Variants in DCC observed in about 807,000 individuals in gnomAD.
DCC encodes the protein DCC netrin 1 receptor, also known as netrin receptor DCC.
A neutral mutation model predicts 172.5 loss-of-function variants in DCC; 58 were observed. That is an observed-to-expected ratio of 0.34 (90% confidence interval 0.27 to 0.42). DCC has a LOEUF of 0.42. Ranked by LOEUF, DCC falls within the 10% of genes least tolerant of loss-of-function variation. The pLI, the probability that DCC is intolerant of heterozygous loss-of-function variation, is 1.00. For synonymous variants in DCC, 709 were observed against 644.5 expected (o/e 1.10, Z -1.52); for missense variants, 1,740 against 1,791.0 (o/e 0.97, Z 0.51).
At chr18:53,151,923 A>C (rs1417958545) in intron 7 of DCC, among the ~76,000 whole-genome samples, 6 of 152,136 alleles carry the variant, frequency 3.9e-5, no homozygotes, top group Admixed American at 3.9e-4. Flanking sequence ...TAAAAACTTA[A>C]CTATCATTTA....
intron 15 of DCC, among the ~76,000 whole-genome samples, chr18:53,365,784 G>T (rs1156845520): frequency 6.6e-6 from 1 of 152,204 alleles, no homozygotes; most frequent in Admixed American, 6.5e-5. Flanking sequence ...AAGGCTGAGA[G>T]AACAGTGGTT....
chr18:53,332,430 T>C (rs1020901833), intron 14 of DCC, among the ~76,000 whole-genome samples: 13 of 152,042 alleles, frequency 8.6e-5, no homozygotes, highest in African/African-American at 3.1e-4. Flanking sequence ...GTAACAAAAT[T>C]TGTAGAATAG....
At chr18:52,503,490 A>G (rs1461595685) in intron 1 of DCC, among the ~76,000 whole-genome samples, 1 of 152,186 alleles carries the variant, frequency 6.6e-6, no homozygotes, top group Non-Finnish European at 1.5e-5. Flanking sequence ...TTTACCTATG[A>G]AAAAATATAC....
At chr18:52,955,035 A>C (rs2040719057) in intron 5 of DCC, among the ~76,000 whole-genome samples, 1 of 152,168 alleles carries the variant, frequency 6.6e-6, no homozygotes, top group Non-Finnish European at 1.5e-5. Flanking sequence ...CGTGATAATC[A>C]ATAAACCTAT....
intron 15 of DCC, among the ~76,000 whole-genome samples, chr18:53,373,423 A>C (rs1182778442): frequency 2.6e-5 from 4 of 152,140 alleles, no homozygotes; most frequent in African/African-American, 7.2e-5. Flanking sequence ...GAGCAACTAA[A>C]ATGCTACTTG....
chr18:52,655,171 C>G (rs907169188), intron 1 of DCC, among the ~76,000 whole-genome samples: 1 of 151,958 alleles, frequency 6.6e-6, no homozygotes, highest in Non-Finnish European at 1.5e-5. Flanking sequence ...AGACCCAGCA[C>G]AGTAAATTAA....
chr18:52,362,780 GC>G (rs36003910), intron 1 of DCC, among the ~76,000 whole-genome samples: 7,446 of 151,460 alleles, frequency 0.049, 495 homozygotes, highest in African/African-American at 0.15. Flanking sequence ...TGTTCTTTTA[GC>G]CCCCCCCACT....
intron 2 of DCC, among the ~76,000 whole-genome samples, chr18:52,772,720 T>C (rs1025063213): frequency 2.6e-5 from 4 of 152,092 alleles, no homozygotes; most frequent in African/African-American, 7.2e-5. Context: ...TTATATTGGG[T>C]GGTGTTTTGT....
intron 2 of DCC, among the ~76,000 whole-genome samples, chr18:52,896,349 G>A (rs1026717083): frequency 6.6e-6 from 1 of 152,156 alleles, no homozygotes; most frequent in East Asian, 1.9e-4. Flanking sequence ...TACACATTAA[G>A]TATGAGTCTG....
rs372437391 is a variant in DCC, at chr18:53,235,716, A to G, written c.1911+20119A>G. On this transcript the variant is annotated intron_variant, in intron 12 of 28. Transcript: ENST00000442544. ...AGTTTTGTAACCATCAACATCATCCATCTCCAGAACTTTTTCATCATCTCA... is the reference window on the plus strand; with the variant it reads ...AGTTTTGTAACCATCAACATCATCCGTCTCCAGAACTTTTTCATCATCTCA... Among the ~76,000 whole-genome samples the G allele has an allele frequency of 1.4e-4, 22 of 152,172 alleles. No individual in the cohort carries two copies. In the South Asian group the frequency reaches 4.1e-3, roughly 29 times the overall value.
rs149524706 is a variant in DCC at position 52,912,702 on chromosome 18, C to T, written c.697+6374C>T. On this transcript the variant is annotated intron_variant, in intron 3 of 28. Coordinates refer to ENST00000442544, the MANE Select transcript of DCC (RefSeq NM_005215.4). The stretch of plus-strand genomic sequence containing the variant: ...GTGTTTGATCTTCATTACCCATGAA[C>T]AATTCTAATCCTCTCAAACCCTTAG... 4.2e-3 allele frequency among the ~76,000 whole-genome samples: 633 copies of T among 152,098 alleles called. 8 individuals carry two copies. Among genetic ancestry groups the T allele is most frequent in the African/African-American group, 0.014 (566 of 41,540 alleles).
At chr18:52,370,788 A>G (rs1985087414) in intron 1 of DCC, among the ~76,000 whole-genome samples, 1 of 152,254 alleles carries the variant, frequency 6.6e-6, no homozygotes, top group Non-Finnish European at 1.5e-5. Context: ...AATTGAAGAA[A>G]AATCACCAAC....
chr18:52,533,514 C>CT (rs900896397), intron 1 of DCC, among the ~76,000 whole-genome samples: 4 of 151,752 alleles, frequency 2.6e-5, no homozygotes, highest in Admixed American at 6.6e-5. Context: ...ATGGGATTGA[C>CT]TTTTTTTTGC....
intron 5 of DCC, among the ~76,000 whole-genome samples, chr18:52,994,177 A>T (rs1371344102): frequency 6.6e-5 from 10 of 152,116 alleles, no homozygotes; most frequent in Non-Finnish European, 1.2e-4. Flanking sequence ...AGCCATCTAG[A>T]TCCTTTGAGT....
At chr18:52,585,014 T>G (rs1249575767) in intron 1 of DCC, among the ~76,000 whole-genome samples, 1 of 152,230 alleles carries the variant, frequency 6.6e-6, no homozygotes, top group Non-Finnish European at 1.5e-5. Flanking sequence ...GTACATGTCT[T>G]TTCCAGAGAA....
chr18:53,253,685 A>G (rs2144663382), intron 12 of DCC, among the ~76,000 whole-genome samples: 1 of 152,194 alleles, frequency 6.6e-6, no homozygotes, highest in South Asian at 2.1e-4. Flanking sequence ...GGAAAACAAC[A>G]TGAGCTTTCT....
intron 1 of DCC, among the ~76,000 whole-genome samples, chr18:52,484,026 T>A (rs1209340081): frequency 2.6e-5 from 4 of 152,124 alleles, no homozygotes; most frequent in African/African-American, 7.2e-5. Context: ...TGTAGCATTA[T>A]GCTCTGGGAA....
At chr18:53,484,022 G>C (rs915075848) in intron 25 of DCC, among the ~76,000 whole-genome samples, 3 of 151,506 alleles carry the variant, frequency 2.0e-5, no homozygotes, top group African/African-American at 7.3e-5. Context: ...TATAGTGTGT[G>C]TGTATATATA....
intron 5 of DCC, among the ~76,000 whole-genome samples, chr18:53,050,224 C>T (rs1206429564): frequency 6.6e-6 from 1 of 152,030 alleles, no homozygotes; most frequent in Non-Finnish European, 1.5e-5. Flanking sequence ...ATGGGTCTTC[C>T]TGAGGGTGGG....
Sources: allele counts gnomAD v4.1 joint callset (sites outside exome capture counted in the v4.1 genomes callset), GRCh38; gene constraint gnomAD v4.1.1; transcripts MANE v1.5; gene names NCBI Gene and HGNC (gene_info 2026-07-23, HGNC 2026-07-21).